LRRC37A2: variants seen among roughly 807,000 people sequenced by gnomAD.
LRRC37A2 encodes the protein leucine-rich repeat-containing protein 37A2.
A neutral mutation model predicts 68.8 loss-of-function variants in LRRC37A2; 9 were observed. The observed-to-expected ratio is 0.13, with a 90% CI of 0.08 to 0.23. The LOEUF (loss-of-function observed/expected upper bound fraction) is 0.23, where lower values mean the gene tolerates loss of function less well. LRRC37A2 is among the 10% of genes least tolerant of loss of function. The probability of loss-of-function intolerance (pLI) is 1.00; values close to 1 mark genes in which losing one functional copy is unlikely to be tolerated. For synonymous variants in LRRC37A2, 63 were observed against 367.6 expected (o/e 0.17, Z 9.48); for missense variants, 168 against 950.4 (o/e 0.18, Z 10.82).
the LRRC37A2 span, among the ~76,000 whole-genome samples, chr17:47,033,749 T>A: frequency 6.6e-6 from 1 of 152,254 alleles, no homozygotes; most frequent in Non-Finnish European, 1.5e-5. Flanking sequence ...CAAGAAATGT[T>A]CCCTTATTTT....
the LRRC37A2 span, among the ~76,000 whole-genome samples, chr17:46,863,854 A>G: frequency 1.3e-5 from 2 of 152,126 alleles, no homozygotes; most frequent in African/African-American, 4.8e-5. Context: ...GCTCACAACT[A>G]CATCCATCCC....
At chr17:46,798,894 A>G in the LRRC37A2 span, among the ~76,000 whole-genome samples, 617 of 152,072 alleles carry the variant, frequency 4.1e-3, 3 homozygotes, top group African/African-American at 0.015. Context: ...CTAAAAATAC[A>G]AAAATTGGCC....
chr17:46,820,711 C>A, the LRRC37A2 span, among the ~76,000 whole-genome samples: 1 of 152,204 alleles, frequency 6.6e-6, no homozygotes, highest in Non-Finnish European at 1.5e-5. Context: ...TTTCCACATA[C>A]CTCCCTCTTG....
the LRRC37A2 span, chr17:46,475,079 ATATT>A: frequency 3.0e-6 from 3 of 987,384 alleles, no homozygotes; most frequent in Non-Finnish European, 4.3e-6. Flanking sequence ...TGCACTTGCC[ATATT>A]TATTAGTCAA....
At chr17:46,886,681 G>A in the LRRC37A2 span, 2 of 152,336 alleles carry the variant, frequency 1.3e-5, no homozygotes, top group African/African-American at 2.4e-5. Flanking sequence ...GCTGTGGTTC[G>A]GAGGGATGCC....
the LRRC37A2 span, chr17:46,923,502 C>T: frequency 1.4e-6 from 2 of 1,379,568 alleles, no homozygotes; most frequent in African/African-American, 2.9e-5. Context: ...GAAACTGGCA[C>T]CTGCAGGTTA....
the LRRC37A2 span, among the ~76,000 whole-genome samples, chr17:46,944,283 C>G: frequency 6.6e-6 from 1 of 152,254 alleles, no homozygotes; most frequent in Admixed American, 6.5e-5. Context: ...CGGCCGGAGG[C>G]TGTGGTAAGA....
the LRRC37A2 span, among the ~76,000 whole-genome samples, chr17:46,907,781 A>T: frequency 6.6e-6 from 1 of 150,914 alleles, no homozygotes; most frequent in Non-Finnish European, 1.5e-5. Flanking sequence ...GCTTGAGCCC[A>T]GGAGTTTGAG....
At chr17:46,795,628 G>A in the LRRC37A2 span, among the ~76,000 whole-genome samples, 173 of 152,322 alleles carry the variant, frequency 1.1e-3, no homozygotes, top group African/African-American at 3.7e-3. Flanking sequence ...GGCACACAGG[G>A]CCCTGTGCAA....
the LRRC37A2 span, among the ~76,000 whole-genome samples, chr17:46,782,778 C>T: frequency 1.3e-5 from 2 of 152,224 alleles, no homozygotes; most frequent in African/African-American, 4.8e-5. Context: ...GGCTGCTTGG[C>T]AGGGAGCTTG....
chr17:46,489,849 G>A, the LRRC37A2 span, among the ~76,000 whole-genome samples: 41 of 150,980 alleles, frequency 2.7e-4, no homozygotes, highest in Admixed American at 2.1e-3. Context: ...TTTAGCAGTT[G>A]TTCTTGGATA....
the LRRC37A2 span, among the ~76,000 whole-genome samples, chr17:46,870,148 G>C: frequency 1.3e-5 from 2 of 152,278 alleles, no homozygotes; most frequent in East Asian, 1.9e-4. Context: ...ATCACTCCCT[G>C]CTTGCTCTCC....
At chr17:46,998,877 G>C in the LRRC37A2 span, 4 of 151,990 alleles carry the variant, frequency 2.6e-5, no homozygotes, top group African/African-American at 9.7e-5. Flanking sequence ...TCAATTCCTT[G>C]TTGCTGGCCT....
chr17:46,912,183 T>C, the LRRC37A2 span, among the ~76,000 whole-genome samples: 1 of 152,216 alleles, frequency 6.6e-6, no homozygotes, highest in Non-Finnish European at 1.5e-5. Context: ...CTGCTCCGTA[T>C]GGCCCCAAAG....
the LRRC37A2 span, among the ~76,000 whole-genome samples, chr17:46,884,732 G>A: frequency 6.6e-6 from 1 of 152,192 alleles, no homozygotes; most frequent in Non-Finnish European, 1.5e-5. Context: ...GGGGCTCAGA[G>A]GGGTTAGACC....
chr17:46,774,059 G>C, the LRRC37A2 span: 1 of 1,185,432 alleles, frequency 8.4e-7, no homozygotes, highest in East Asian at 2.6e-5. Context: ...GACCTCGGGA[G>C]CATGCCGCCC....
the LRRC37A2 span, among the ~76,000 whole-genome samples, chr17:46,491,143 C>T: frequency 6.6e-6 from 1 of 151,052 alleles, no homozygotes; most frequent in Non-Finnish European, 1.5e-5. Context: ...GCGATCCGCC[C>T]GCCTCAGCTT....
the LRRC37A2 span, among the ~76,000 whole-genome samples, chr17:46,896,079 C>A: frequency 1.1e-4 from 16 of 151,892 alleles, no homozygotes; most frequent in Admixed American, 9.8e-4. Context: ...GAGATCGAGA[C>A]CATCCTGGCT....
chr17:46,827,470 A>G, the LRRC37A2 span, among the ~76,000 whole-genome samples: 1 of 152,224 alleles, frequency 6.6e-6, no homozygotes, highest in Non-Finnish European at 1.5e-5. Context: ...CTGCCTGAAG[A>G]TGAAGCTGAC....
Sources: allele counts gnomAD v4.1 joint callset (sites outside exome capture counted in the v4.1 genomes callset), GRCh38; gene constraint gnomAD v4.1.1; transcripts MANE v1.5; gene names NCBI Gene and HGNC (gene_info 2026-07-23, HGNC 2026-07-21).